RNF121: variants seen among roughly 807,000 people sequenced by gnomAD.
The protein encoded by RNF121 is ring finger protein 121.
RNF121 carries 21 observed loss-of-function variants against 46.5 expected under a neutral mutation model. The observed-to-expected ratio is 0.45, with a 90% CI of 0.32 to 0.65. The LOEUF (loss-of-function observed/expected upper bound fraction) is 0.65. Ranked by LOEUF, RNF121 falls within the 30% of genes least tolerant of loss-of-function variation. The probability of loss-of-function intolerance (pLI) is 0.04; values close to 1 mark genes in which losing one functional copy is unlikely to be tolerated. For missense variants in RNF121, 346 were observed against 416.0 expected, an observed-to-expected ratio of 0.83 and a Z score of 1.46; for synonymous variants, 139 against 144.7, an observed-to-expected ratio of 0.96 and a Z score of 0.28.
rs760485369 is a variant in RNF121 at position 71,996,211 on chromosome 11, G to A, written c.880G>A (p.Val294Ile). ...MFSNPWERPHVMYGQLLDWLR... is the reference protein window; with the variant it reads ...MFSNPWERPHIMYGQLLDWLR... ...CACTGACAGCTGGGAGAGGCCTCAC[G>A]TCATGTATGGGCAACTGCTGGACTG... is the stretch of plus-strand genomic sequence containing the variant. The change falls in exon 9 of 9, where the codon GTC (valine) becomes ATC (isoleucine). Residue 294 changes from valine (V) to isoleucine (I), a missense_variant. Transcript: ENST00000361756. 8 of 1,614,152 alleles carry A rather than the reference G, an allele frequency of 5.0e-6. No homozygotes were observed. Among genetic ancestry groups the A allele is most frequent in the East Asian group, 2.2e-5 (1 of 44,878 alleles).
At chr11:71,975,429 T>C (rs185438099) in intron 3 of RNF121, among the ~76,000 whole-genome samples, 1 of 152,308 alleles carries the variant, frequency 6.6e-6, no homozygotes, top group Non-Finnish European at 1.5e-5. Flanking sequence ...CATGATGCCT[T>C]TTTCTATCTG....
chr11:71,929,368 C>T (rs778504554), intron 1 of RNF121, among the ~76,000 whole-genome samples: 1 of 130,118 alleles, frequency 7.7e-6, no homozygotes, highest in Non-Finnish European at 1.6e-5. Flanking sequence ...AGAGAGAGGT[C>T]GGAGGGGTGG....
intron 3 of RNF121, among the ~76,000 whole-genome samples, chr11:71,981,320 G>A (rs974712558): frequency 1.1e-4 from 17 of 152,156 alleles, no homozygotes; most frequent in African/African-American, 4.1e-4. Context: ...AAAGTGCTGG[G>A]ATTACAAGTG....
chr11:71,978,015 T>TTTGCTTGG (rs1169777630), intron 3 of RNF121: 2 of 290,306 alleles, frequency 6.9e-6, no homozygotes, highest in Non-Finnish European at 1.4e-5. Flanking sequence ...TTAAACATAT[T>TTTGCTTGG]TACCAAGCAA....
At chr11:71,935,108 A>G (rs1276491865) in intron 1 of RNF121, among the ~76,000 whole-genome samples, 8 of 151,922 alleles carry the variant, frequency 5.3e-5, no homozygotes, top group Admixed American at 5.2e-4. Context: ...TGCCTGGCTA[A>G]TTTTTGTAGA....
chr11:71,949,714 C>T (rs531268187), intron 1 of RNF121, among the ~76,000 whole-genome samples: 3 of 151,002 alleles, frequency 2.0e-5, no homozygotes, highest in Non-Finnish European at 4.4e-5. Flanking sequence ...CACATGCACA[C>T]GGCCGGGCAC....
At chr11:71,995,637 C>A in intron 8 of RNF121, 86 bp downstream of exon 8, 1 of 1,037,544 alleles carries the variant, frequency 9.6e-7, no homozygotes, top group Non-Finnish European at 1.5e-6. Flanking sequence ...CCTCCTGGGG[C>A]CCTCACTTCT....
In RNF121 at chr11:71,951,220, AAAT is replaced by A. The variant is rs199753748; in HGVS notation, c.64-6006_64-6004del. 6.7e-3 allele frequency among the ~76,000 whole-genome samples: 1,015 copies of A among 151,918 alleles called. 3 individuals are homozygous for A. The highest frequency in any genetic ancestry group is 0.015 in the African/African-American group (638 of 41,432). On this transcript the variant is annotated intron_variant, in intron 1 of 8. Transcript: ENST00000361756. ...GCAAAACTCCGTCTCAAAAAAAAAAAAATGCAATAATGAAAGTCGTCTAAGCCA... is the reference window on the plus strand; with the variant it reads ...GCAAAACTCCGTCTCAAAAAAAAAAAGCAATAATGAAAGTCGTCTAAGCCA...
At chr11:71,964,121 A>G (rs1430957872) in intron 3 of RNF121, among the ~76,000 whole-genome samples, 1 of 152,190 alleles carries the variant, frequency 6.6e-6, no homozygotes, top group Admixed American at 6.5e-5. Flanking sequence ...CATCTTAACA[A>G]TATTAATCTT....
intron 1 of RNF121, 125 bp downstream of exon 1, chr11:71,929,249 G>T (rs1953201300): frequency 2.8e-6 from 4 of 1,432,410 alleles, no homozygotes; most frequent in Non-Finnish European, 9.3e-7. Flanking sequence ...GCTGACTAGG[G>T]GGCGGGTGCG....
chr11:71,955,068 T>C (rs1953961218), intron 1 of RNF121, among the ~76,000 whole-genome samples: 1 of 152,092 alleles, frequency 6.6e-6, no homozygotes, highest in Non-Finnish European at 1.5e-5. Context: ...CAAATAAACA[T>C]AAACAGGGCC....
intron 3 of RNF121, among the ~76,000 whole-genome samples, chr11:71,977,494 C>G (rs1954551875): frequency 6.6e-6 from 1 of 152,244 alleles, no homozygotes; most frequent in South Asian, 2.1e-4. Context: ...CTAGCTCTTA[C>G]TGTTAGCATC....
chr11:71,986,044 G>C (rs1428636583), intron 4 of RNF121, among the ~76,000 whole-genome samples: 3 of 152,080 alleles, frequency 2.0e-5, no homozygotes, highest in Non-Finnish European at 4.4e-5. Flanking sequence ...GGCTCCTGGG[G>C]CACACTACTC....
Position 71,929,096 on chromosome 11 carries a change from G to C in RNF121, c.35G>C (p.Gly12Ala). The C allele has an allele frequency of 6.4e-7, 1 of 1,551,770 alleles. No individual in the cohort carries two copies. Among genetic ancestry groups the C allele is most frequent in the Non-Finnish European group, 8.7e-7 (1 of 1,147,078 alleles). Residue 12 changes from glycine (G) to alanine (A), a missense_variant, in exon 1 of 9, where the codon GGT becomes GCT. By Grantham distance (60) the Gly-to-Ala change is moderately conservative. Coordinates refer to ENST00000361756, the MANE Select transcript of RNF121 (RefSeq NM_018320.5). ...GTGGTGGAGGTGGAGGTTGGAGGTG[G>C]TGCTGCTGGGGAACGGGAGCTGGAT... Reference protein sequence around the residue: ...AAVVEVEVGGGAAGERELDEV... With the variant: ...AAVVEVEVGGAAAGERELDEV...
chr11:71,938,199 T>A (rs1953466364), intron 1 of RNF121, among the ~76,000 whole-genome samples: 1 of 152,204 alleles, frequency 6.6e-6, no homozygotes, highest in Non-Finnish European at 1.5e-5. Flanking sequence ...GAGCTTGTCA[T>A]TTAGTGCCCT....
intron 3 of RNF121, among the ~76,000 whole-genome samples, chr11:71,976,290 A>C (rs1162696621): frequency 1.4e-5 from 2 of 148,012 alleles, no homozygotes; most frequent in African/African-American, 5.0e-5. Context: ...TCCCAGAGAT[A>C]CTTTAACAGA....
intron 3 of RNF121, among the ~76,000 whole-genome samples, chr11:71,974,362 T>C (rs568571678): frequency 6.6e-6 from 1 of 152,360 alleles, no homozygotes; most frequent in Admixed American, 6.5e-5. Flanking sequence ...ATTTAAAAAA[T>C]ACTCCACCTA....
chr11:71,994,911 A>G (rs1453490327), intron 7 of RNF121, 59 bp downstream of exon 7: 2 of 1,607,880 alleles, frequency 1.2e-6, no homozygotes, highest in Non-Finnish European at 1.7e-6. Context: ...CTGTAGTGAG[A>G]GAGAGAAAGA....
intron 1 of RNF121, among the ~76,000 whole-genome samples, chr11:71,938,314 A>ATTTTTTTTTTTT (rs71958930): frequency 1.1e-4 from 10 of 94,916 alleles, no homozygotes; most frequent in Non-Finnish European, 1.6e-4. Context: ...TAGTCTCTTA[A>ATTTTTTTTTTTT]TTTTTTTTTT....
Sources: allele counts gnomAD v4.1 joint callset (sites outside exome capture counted in the v4.1 genomes callset), GRCh38; gene constraint gnomAD v4.1.1; transcripts MANE v1.5; gene names NCBI Gene and HGNC (gene_info 2026-07-23, HGNC 2026-07-21).